RNF38: variants seen among roughly 807,000 people sequenced by gnomAD.
RNF38 encodes E3 ubiquitin-protein ligase RNF38.
RNF38 carries 15 observed loss-of-function variants against 67.2 expected under a neutral mutation model. The observed-to-expected ratio is 0.22, with a 90% confidence interval of 0.15 to 0.34. The LOEUF (loss-of-function observed/expected upper bound fraction) is 0.34, where lower values mean the gene tolerates loss of function less well. Among genes scored for constraint, RNF38 ranks in the 10% least tolerant of loss-of-function variants. The pLI is 1.00. For missense variants in RNF38, 524 were observed against 639.9 expected, an observed-to-expected ratio of 0.82 and a Z score of 1.95; for synonymous variants, 220 against 218.8, an observed-to-expected ratio of 1.01 and a Z score of -0.05.
At chr9:36,346,215 CTTTTT>C (rs914070299) in intron 9 of RNF38, among the ~76,000 whole-genome samples, 1 of 151,722 alleles carries the variant, frequency 6.6e-6, no homozygotes, top group Non-Finnish European at 1.5e-5. Context: ...TTATTATGCC[CTTTTT>C]TTTGAGTCAG....
chr9:36,353,412 TCA>T, intron 6 of RNF38, 81 bp from the exon 7 acceptor site: 1 of 1,047,670 alleles, frequency 9.5e-7, no homozygotes, highest in Non-Finnish European at 1.3e-6. Flanking sequence ...TTTATAATAA[TCA>T]CAAATTTAAA....
intron 1 of RNF38, among the ~76,000 whole-genome samples, chr9:36,432,090 C>T (rs1333922323): frequency 6.6e-6 from 1 of 152,008 alleles, no homozygotes; most frequent in Non-Finnish European, 1.5e-5. Context: ...TAATCTAATT[C>T]CCTTCGTATT....
chr9:36,426,574 T>G (rs1449665050), intron 1 of RNF38, among the ~76,000 whole-genome samples: 3 of 152,272 alleles, frequency 2.0e-5, no homozygotes, highest in African/African-American at 7.2e-5. Context: ...ATATTAAGAC[T>G]AATGCTGTTT....
At chr9:36,479,201 G>A (rs1329618009) in intron 1 of RNF38, among the ~76,000 whole-genome samples, 1 of 152,116 alleles carries the variant, frequency 6.6e-6, no homozygotes, top group Non-Finnish European at 1.5e-5. Context: ...TACCCCGCCT[G>A]CCCCCACTAC....
intron 3 of RNF38, among the ~76,000 whole-genome samples, chr9:36,371,526 G>A (rs867072853): frequency 2.0e-5 from 3 of 146,476 alleles, no homozygotes; most frequent in South Asian, 2.1e-4. Flanking sequence ...GGCTCACTGC[G>A]ACCTCTGCCT....
intron 4 of RNF38, among the ~76,000 whole-genome samples, chr9:36,360,028 A>G (rs1834408344): frequency 6.6e-6 from 1 of 152,118 alleles, no homozygotes; most frequent in Admixed American, 6.5e-5. Context: ...TATAGGCGTG[A>G]GCCACCGTGC....
chr9:36,456,370 A>C (rs1224638267), intron 1 of RNF38, among the ~76,000 whole-genome samples: 1 of 152,186 alleles, frequency 6.6e-6, no homozygotes, highest in Non-Finnish European at 1.5e-5. Flanking sequence ...AACAATTTTT[A>C]TTTCAACCAT....
chr9:36,400,531 C>A, upstream of RNF38: 1 of 991,862 alleles, frequency 1.0e-6, no homozygotes, highest in Non-Finnish European at 1.2e-6. Flanking sequence ...CGCGCTGCAG[C>A]CAACGGCCGC....
At chr9:36,460,090 C>T (rs1046277635) in intron 1 of RNF38, among the ~76,000 whole-genome samples, 1 of 152,078 alleles carries the variant, frequency 6.6e-6, no homozygotes, top group African/African-American at 2.4e-5. Context: ...TCAGTGCTCC[C>T]AATTAGAGAT....
chr9:36,476,387 T>G (rs1375676310), intron 1 of RNF38, among the ~76,000 whole-genome samples: 1 of 152,026 alleles, frequency 6.6e-6, no homozygotes, highest in Non-Finnish European at 1.5e-5. Context: ...GCTAGGATTA[T>G]AGGCATGAGC....
At chr9:36,382,071 T>C (rs1174285176) in intron 2 of RNF38, among the ~76,000 whole-genome samples, 3 of 152,238 alleles carry the variant, frequency 2.0e-5, no homozygotes, top group African/African-American at 7.2e-5. Flanking sequence ...GTGATGATGC[T>C]TGGATAATTT....
chr9:36,376,191 T>A (rs1835772359), intron 2 of RNF38, 64 bp from the exon 3 acceptor site: 1 of 1,229,692 alleles, frequency 8.1e-7, no homozygotes, highest in South Asian at 1.6e-5. Context: ...TTACTGCATA[T>A]GCACAGGTGT....
chr9:36,340,894 C>A (rs192144076), intron 11 of RNF38, among the ~76,000 whole-genome samples: 24 of 152,006 alleles, frequency 1.6e-4, no homozygotes, highest in Non-Finnish European at 2.8e-4. Flanking sequence ...TTCCTACAAC[C>A]CCATTATTCA....
chr9:36,421,185 AAGAT>A (rs1403486453), intron 2 of RNF38, among the ~76,000 whole-genome samples: 3 of 152,216 alleles, frequency 2.0e-5, no homozygotes, highest in Admixed American at 6.5e-5. Flanking sequence ...CCATGCCTGA[AAGAT>A]AGGCAAAGAC....
chr9:36,352,580 C>CT (rs1833780232), intron 8 of RNF38, among the ~76,000 whole-genome samples, 162 bp downstream of exon 8: 1 of 152,122 alleles, frequency 6.6e-6, no homozygotes, highest in African/African-American at 2.4e-5. Flanking sequence ...TGTTACTGTT[C>CT]TTTCTTTCAG....
At chr9:36,380,276 T>C (rs986042097) in intron 2 of RNF38, among the ~76,000 whole-genome samples, 2 of 152,212 alleles carry the variant, frequency 1.3e-5, no homozygotes, top group African/African-American at 4.8e-5. Flanking sequence ...CTCGGCTCAC[T>C]GCAACCTCCG....
upstream of RNF38, chr9:36,400,361 G>C: frequency 8.3e-7 from 1 of 1,207,068 alleles, no homozygotes. Flanking sequence ...GCGAGAGAGC[G>C]AGGCCATCTG....
At position 36,485,248 on chromosome 9, in the gene RNF38, T is replaced by C. The variant is rs570879776; in HGVS notation, n.241+2060A>G. On this transcript the variant is annotated intron_variant and non_coding_transcript_variant, in intron 1 of 3. Transcript: ENST00000488058. ...GTGGACATTTAAGCTGGAATGAGCA[T>C]TCTTGTATTTTTTTCATACTTATTT... 2.2e-4 allele frequency among the ~76,000 whole-genome samples: 33 copies of C among 151,948 alleles called. No homozygotes were observed. In the South Asian group the frequency reaches 6.6e-3, roughly 31 times the overall value.
chr9:36,438,766 A>G (rs1228953629), intron 1 of RNF38, among the ~76,000 whole-genome samples: 2 of 152,254 alleles, frequency 1.3e-5, no homozygotes, highest in African/African-American at 4.8e-5. Flanking sequence ...CCAGCTGAAT[A>G]GGTGAGAGAC....
Sources: allele counts gnomAD v4.1 joint callset (sites outside exome capture counted in the v4.1 genomes callset), GRCh38; gene constraint gnomAD v4.1.1; transcripts MANE v1.5; gene names NCBI Gene and HGNC (gene_info 2026-07-23, HGNC 2026-07-21).